The following RTN2 variants were observed in gnomAD, a reference collection of about 807,000 sequenced individuals.
RTN2 encodes reticulon-2.
A neutral mutation model predicts 63.7 loss-of-function variants in RTN2; 36 were observed. The ratio of observed to expected loss-of-function variants is 0.56; its 90% CI spans 0.43 to 0.75. The LOEUF is 0.75. Ranked by LOEUF, RTN2 falls within the 30% of genes least tolerant of loss-of-function variation. RTN2 has a pLI of 0.00. For missense variants in RTN2, 673 were observed against 705.1 expected (o/e 0.95, Z 0.52); for synonymous variants, 312 against 313.0 (o/e 1.00, Z 0.03).
chr19:45,490,348 GCTC>G (rs1968127921), intron 5 of RTN2, among the ~76,000 whole-genome samples: 1 of 152,100 alleles, frequency 6.6e-6, no homozygotes, highest in Non-Finnish European at 1.5e-5. Context: ...TTGTGGCTGT[GCTC>G]CTGTGCTCTC....
chr19:45,494,774 C>G lies in RTN2; in HGVS notation c.311G>C (p.Ser104Thr), dbSNP rs1968236928. ...GATGCTCTCCAAGCTGTCGCCCAGG[C>G]TGGGCTGAGGGTGCTGGTCTCGTGG... ...SEPRDQHPQP[S>T]LGDSLESIPS... The change falls in exon 3 of 11, where the codon AGC (serine) becomes ACC (threonine). Residue 104 changes from serine (S) to threonine (T), a missense_variant. Transcript: ENST00000245923. This position sits in a 1 kb window ranked among gnomAD's most constrained non-coding sequence, Gnocchi z 5.3. 1 of 1,607,080 alleles carries G rather than the reference C, an allele frequency of 6.2e-7. No homozygotes were observed. The highest frequency in any genetic ancestry group is 1.3e-5 in the African/African-American group (1 of 75,054).
rs1309885678 is a variant in RTN2, at chr19:45,494,732, G to A, written c.353C>T (p.Ser118Phe). 2 of 1,611,952 alleles carry A rather than the reference G, an allele frequency of 1.2e-6. No homozygotes were observed. The highest frequency in any genetic ancestry group is 8.5e-7 in the Non-Finnish European group (1 of 1,179,982). ...SLESIPSLSQ[S>F]PEPGRRGDPD... is the part of the protein sequence containing the mutation. The stretch of plus-strand genomic sequence containing the variant: ...ATCACCCCGTCGTCCAGGCTCCGGG[G>A]ATTGGCTCAGGCTGGGGATGCTCTC... The change falls in exon 3 of 11, where the codon TCC becomes TTC. Residue 118 changes from serine (S) to phenylalanine (F), a missense_variant. Transcript: ENST00000245923. The surrounding 1 kb of genome is among the most constrained non-coding windows in gnomAD (Gnocchi z 5.3).
At chr19:45,487,077 C>G (rs1439832902) in intron 9 of RTN2, among the ~76,000 whole-genome samples, 4 of 105,606 alleles carry the variant, frequency 3.8e-5, no homozygotes, top group South Asian at 3.3e-4. Flanking sequence ...GGGTCTTGCT[C>G]TGTTGCCCAG....
At chr19:45,489,157 G>A in intron 6 of RTN2, 171 bp from the exon 7 acceptor site, 1 of 893,754 alleles carries the variant, frequency 1.1e-6, no homozygotes, top group Non-Finnish European at 1.7e-6. Context: ...CAGGGTCAGG[G>A]GAAGGGATCG....
In RTN2 at chr19:45,494,365, G is replaced by A; in HGVS notation, c.615C>T (p.Pro205=). ...GTGTCCCAGAGCCCGGACTGAGCTGGGGAGTCAAGACCTCGGGCGATGAGG... is the reference window on the plus strand; with the variant it reads ...GTGTCCCAGAGCCCGGACTGAGCTGAGGAGTCAAGACCTCGGGCGATGAGG... ...AQPSSPEVLT[P]QLSPGSGTPQ... The change falls in exon 4 of 11, where the codon CCC becomes CCT. Residue 205 remains proline (P), a synonymous_variant. Transcript: ENST00000245923. This position sits in a 1 kb window ranked among gnomAD's most constrained non-coding sequence, Gnocchi z 5.3. The A allele has an allele frequency of 6.2e-7, 1 of 1,614,112 alleles. No homozygotes were observed. Among genetic ancestry groups the A allele is most frequent in the Non-Finnish European group, 8.5e-7 (1 of 1,179,976 alleles).
rs368336082 is a variant in RTN2 at position 45,494,715 on chromosome 19, G to A, written c.370C>T (p.Arg124Trp). 3.1e-6 allele frequency: 5 copies of A among 1,612,992 alleles called. No individual in the cohort carries two copies. Among genetic ancestry groups the A allele is most frequent in the Non-Finnish European group, 3.4e-6 (4 of 1,179,972 alleles). ...SLSQSPEPGR[R>W]GDPDTAPPSE... ...GGAGGCGCGGTGTCAGGATCACCCCGTCGTCCAGGCTCCGGGGATTGGCTC... is the reference window on the plus strand; with the variant it reads ...GGAGGCGCGGTGTCAGGATCACCCCATCGTCCAGGCTCCGGGGATTGGCTC... The change falls in exon 3 of 11, where the codon CGG becomes TGG. Residue 124 changes from arginine to tryptophan, a missense_variant. Transcript: ENST00000245923. The surrounding 1 kb of genome is among the most constrained non-coding windows in gnomAD (Gnocchi z 5.3).
Position 45,494,827 on chromosome 19 carries a change from G to A in RTN2, c.258C>T (p.Pro86=), listed in dbSNP as rs1968238500. 6.2e-7 allele frequency: 1 copy of A among 1,603,378 alleles called. No individual in the cohort carries two copies. The highest frequency in any genetic ancestry group is 8.5e-7 in the Non-Finnish European group (1 of 1,179,816). ...GGRRDSTARR[P]RPQGRSVSEP... ...CCGAGACTGAGCGGCCCTGGGGGCGGGGGCGGCGGGCAGTTGAATCCCTGC... is the reference window on the plus strand; with the variant it reads ...CCGAGACTGAGCGGCCCTGGGGGCGAGGGCGGCGGGCAGTTGAATCCCTGC... The change falls in exon 3 of 11, where the codon CCC becomes CCT. Residue 86 remains proline (P), a synonymous_variant. Transcript: ENST00000245923. The surrounding 1 kb of genome is among the most constrained non-coding windows in gnomAD (Gnocchi z 5.3).
At position 45,486,711 on chromosome 19, in the gene RTN2, C is replaced by G. The variant is rs561898912; in HGVS notation, c.1498-598G>C. Among the ~76,000 whole-genome samples, 671 of 127,432 alleles carry G rather than the reference C, an allele frequency of 5.3e-3. 6 individuals carry two copies. Among genetic ancestry groups the G allele is most frequent in the Middle Eastern group, 0.037 (9 of 244 alleles). The allele number at this position is 127,432 out of a possible 152,430, so 83.6% of individuals were successfully genotyped here. On this transcript the variant is annotated intron_variant, in intron 9 of 10. Transcript: ENST00000245923. ...ATTATTTATTTATTTTTTTCTTGTT[C>G]TTTTTTTTTTCTTTTTCTTTCTTTC...
chr19:45,491,181 C>G (rs1456050598), intron 5 of RTN2, among the ~76,000 whole-genome samples: 3 of 151,154 alleles, frequency 2.0e-5, no homozygotes, highest in Non-Finnish European at 4.4e-5. Context: ...TGAGCCACCA[C>G]GCCCGGCCAC....
At position 45,488,458 on chromosome 19, in the gene RTN2, G is replaced by A. The variant is rs773260006; in HGVS notation, c.1497+13C>T. On this transcript the variant is annotated intron_variant, in intron 9 of 10. Transcript: ENST00000245923. ...TTAGCTGGGGTGCTGACAACTGAGGGTGTCACACTCACCTGGTGCTGCCGG... is the reference window on the plus strand; with the variant it reads ...TTAGCTGGGGTGCTGACAACTGAGGATGTCACACTCACCTGGTGCTGCCGG... 2.5e-6 allele frequency: 4 copies of A among 1,612,676 alleles called. No homozygotes were observed. Among genetic ancestry groups the A allele is most frequent in the Middle Eastern group, 1.6e-4 (1 of 6,078 alleles).
intron 5 of RTN2, among the ~76,000 whole-genome samples, chr19:45,491,660 T>C (rs1164601922): frequency 6.6e-6 from 1 of 151,550 alleles, no homozygotes; most frequent in Admixed American, 6.6e-5. Context: ...GCCTCCCGAG[T>C]AGCTGGGACT....
Position 45,494,427 on chromosome 19 carries a change from C to T in RTN2, c.560-7G>A, listed in dbSNP as rs370068938. The T allele has an allele frequency of 3.1e-5, 50 of 1,608,506 alleles. No homozygotes were observed. The highest frequency in any genetic ancestry group is 3.1e-4 in the African/African-American group (23 of 74,726). On this transcript the variant is annotated splice_region_variant and splice_polypyrimidine_tract_variant and intron_variant, in intron 3 of 10. Transcript: ENST00000245923. This position sits in a 1 kb window ranked among gnomAD's most constrained non-coding sequence, Gnocchi z 5.3. ...CGGAGTCGTAGGTCCAGTTCTGATA[C>T]GGTAGAGAGAGGAGGCCGTGAGCTT...
intron 6 of RTN2, 33 bp downstream of exon 6, chr19:45,489,313 C>T: frequency 1.9e-6 from 3 of 1,542,184 alleles, no homozygotes. Context: ...AGGGTCAGGA[C>T]AGGGGCTCAG....
chr19:45,489,453 G>T lies in RTN2; in HGVS notation c.1134C>A (p.Ser378=). Residue 378 remains serine (S), a synonymous_variant, in exon 6 of 11, where the codon TCC becomes TCA. Transcript: ENST00000245923. ...GCAACAGAGCCAAGTGCGCGGCCAC[G>T]GACACGATGCTAAAGTGCAGGAGGC... is the stretch of plus-strand genomic sequence containing the variant. The part of the protein sequence containing the change: ...LLCLLHFSIV[S]VAAHLALLLL... 1 of 1,612,554 alleles carries T rather than the reference G, an allele frequency of 6.2e-7. No homozygotes were observed. The highest frequency in any genetic ancestry group is 8.5e-7 in the Non-Finnish European group (1 of 1,179,416).
chr19:45,496,799 G>T lies in RTN2; in HGVS notation c.27C>A (p.Ala9=), dbSNP rs775075657. 2.5e-5 allele frequency: 38 copies of T among 1,521,132 alleles called. No homozygotes were observed. The highest frequency in any genetic ancestry group is 2.7e-5 in the Non-Finnish European group (30 of 1,130,392). The allele number at this position is 1,521,132 out of a possible 1,614,324, so 94.2% of individuals were successfully genotyped here. The change falls in exon 1 of 11, where the codon GCC becomes GCA. Residue 9 remains alanine (A), a synonymous_variant. Transcript: ENST00000245923. ...CAGTCTTCCTCTACTCACTGCAGTGGGCGAAGACCGGCAGGACCTGCCCCA... is the reference window on the plus strand; with the variant it reads ...CAGTCTTCCTCTACTCACTGCAGTGTGCGAAGACCGGCAGGACCTGCCCCA... MGQVLPVF[A]HCKEAPSTAS... is the part of the protein sequence containing the mutation.
rs766535005 is a variant in RTN2 at position 45,494,795 on chromosome 19, C to T, written c.290G>A (p.Arg97Gln). ...RPQGRSVSEPRDQHPQPSLGD... is the reference protein window; with the variant it reads ...RPQGRSVSEPQDQHPQPSLGD... ...CAGGCTGGGCTGAGGGTGCTGGTCT[C>T]GTGGTTCCGAGACTGAGCGGCCCTG... is the stretch of plus-strand genomic sequence containing the variant. The change falls in exon 3 of 11, where the codon CGA becomes CAA. Residue 97 changes from arginine to glutamine, a missense_variant. Arg to Gln is a conservative substitution (Grantham distance 43). Transcript: ENST00000245923. This position sits in a 1 kb window ranked among gnomAD's most constrained non-coding sequence, Gnocchi z 5.3. 2.5e-6 allele frequency: 4 copies of T among 1,604,842 alleles called. No homozygotes were observed. Among genetic ancestry groups the T allele is most frequent in the East Asian group, 2.2e-5 (1 of 44,860 alleles).
intron 6 of RTN2, 26 bp downstream of exon 6, chr19:45,489,320 T>C: frequency 6.5e-7 from 1 of 1,546,728 alleles, no homozygotes; most frequent in Non-Finnish European, 8.7e-7. Context: ...GGACAGGGGC[T>C]CAGGTCAGGG....
chr19:45,487,032 CTTT>C (rs34799041), intron 9 of RTN2, among the ~76,000 whole-genome samples: 192 of 39,132 alleles, frequency 4.9e-3, no homozygotes, highest in African/African-American at 0.017. Context: ...CATGCCCAGC[CTTT>C]TTTTTTTTTT....
intron 9 of RTN2, among the ~76,000 whole-genome samples, chr19:45,487,832 A>G (rs1486174680): frequency 3.3e-5 from 5 of 149,776 alleles, no homozygotes; most frequent in Admixed American, 2.7e-4. Flanking sequence ...GATCCCAGCT[A>G]CTCGGGAAGC....
Sources: gnomAD v4.1 joint callset for allele counts (sites outside exome capture counted in the v4.1 genomes callset) on GRCh38, gnomAD v4.1.1 for gene constraint, Gnocchi (gnomAD v3.1) non-coding constraint, MANE v1.5 for transcripts, NCBI Gene and HGNC (gene_info 2026-07-23, HGNC 2026-07-21) for gene names.